Variants in EYS observed in about 807,000 individuals in gnomAD.
The protein encoded by EYS is EGF-like photoreceptor maintenance factor, also known as protein eyes shut homolog.
Under a neutral mutation model 282.1 loss-of-function variants are expected in EYS, and 250 were observed. The observed-to-expected ratio is 0.89, with a 90% confidence interval of 0.80 to 0.98. The LOEUF is 0.98. Among genes scored for constraint, EYS ranks in the 50% least tolerant of loss-of-function variants. The pLI, the probability that EYS is intolerant of heterozygous loss-of-function variation, is 0.00. For synonymous variants in EYS, 1,355 were observed against 1,282.9 expected (o/e 1.06, Z -1.20); for missense variants, 4,016 against 3,709.0 (o/e 1.08, Z -2.15).
chr6:64,184,437 C>T (rs559305862), intron 31 of EYS, among the ~76,000 whole-genome samples: 2 of 152,050 alleles, frequency 1.3e-5, no homozygotes, highest in Non-Finnish European at 2.9e-5. Context: ...TAGCAAAAGG[C>T]TAGCATGTTA....
At chr6:63,741,546 A>C (rs7764184) in intron 41 of EYS, among the ~76,000 whole-genome samples, 2 of 151,992 alleles carry the variant, frequency 1.3e-5, no homozygotes, top group Non-Finnish European at 2.9e-5. Context: ...ATCAAAGATC[A>C]AGAAAAAGAT....
rs1767191138 is a variant in EYS at position 64,250,957 on chromosome 6, AG to A, written c.6192-20134del. Among the ~76,000 whole-genome samples the A allele has an allele frequency of 7.9e-5, 12 of 152,310 alleles. No homozygotes were observed. In the South Asian group the frequency reaches 2.5e-3, roughly 32 times the overall value. ...TTCTACAAATACACTAGATAATATGAGGAAACACGTAAGTAGATCAAAAGGC... is the reference window on the plus strand; with the variant it reads ...TTCTACAAATACACTAGATAATATGAGAAACACGTAAGTAGATCAAAAGGC... On this transcript the variant is annotated intron_variant, in intron 30 of 42. Coordinates refer to ENST00000503581, the MANE Select transcript of EYS (RefSeq NM_001142800.2).
rs1562180005 is a variant in EYS, at chr6:64,766,652, ATATATATAT to A, written c.3443+46717_3443+46725del. On this transcript the variant is annotated intron_variant, in intron 22 of 42. Coordinates refer to ENST00000503581, the MANE Select transcript of EYS (RefSeq NM_001142800.2). ...GTCTCAAAAAAAAAAAAAAAAAAAT[ATATATATAT>A]ATATATATATATATATATATATAAA... 2.6e-3 allele frequency among the ~76,000 whole-genome samples: 128 copies of A among 48,546 alleles called. 2 individuals carry two copies. The highest frequency in any genetic ancestry group is 0.011 in the African/African-American group (121 of 11,428). 31.8% of individuals were successfully genotyped at this position (48,546 alleles called of 152,430 possible). A position where few individuals can be genotyped will look rare whatever the true frequency, so the allele number is the denominator to read the frequency against.
intron 30 of EYS, among the ~76,000 whole-genome samples, chr6:64,305,375 AAAAT>A (rs1769401451): frequency 6.6e-6 from 1 of 151,554 alleles, no homozygotes. Flanking sequence ...CAGAAATAAA[AAAAT>A]AATCCACTTA....
At chr6:64,714,002 T>A (rs2149936713) in intron 22 of EYS, among the ~76,000 whole-genome samples, 1 of 152,354 alleles carries the variant, frequency 6.6e-6, no homozygotes, top group East Asian at 1.9e-4. Flanking sequence ...TTCAGAGAAC[T>A]AATTGTGTTC....
intron 13 of EYS, among the ~76,000 whole-genome samples, chr6:65,041,661 C>T (rs192679991): frequency 1.5e-4 from 22 of 151,704 alleles, no homozygotes; most frequent in Non-Finnish European, 3.0e-4. Context: ...TCTCTTATTT[C>T]CTGTTTTATC....
In EYS at chr6:63,969,017, G is replaced by A. The variant is rs117756884; in HGVS notation, c.7055+15366C>T. On this transcript the variant is annotated intron_variant, in intron 35 of 42. Transcript: ENST00000503581. ...TCAAAATTGAGCTTGTGGTGATGAT[G>A]CACAATAATATATTCCACTTACAAA... Among the ~76,000 whole-genome samples, 258 of 152,264 alleles carry A rather than the reference G, an allele frequency of 1.7e-3. 3 individuals carry two copies. In the East Asian group the frequency reaches 0.042, roughly 25 times the overall value.
At chr6:65,105,270 T>G (rs1376973534) in intron 12 of EYS, among the ~76,000 whole-genome samples, 2 of 151,346 alleles carry the variant, frequency 1.3e-5, no homozygotes, top group Admixed American at 6.6e-5. Flanking sequence ...CTGAAACAAT[T>G]TCTTCAGTCT....
At chr6:64,736,869 A>G (rs562577332) in intron 22 of EYS, among the ~76,000 whole-genome samples, 2 of 152,234 alleles carry the variant, frequency 1.3e-5, no homozygotes, top group Non-Finnish European at 2.9e-5. Context: ...TAAAATAAAA[A>G]TTCACAATAA....
intron 2 of EYS, among the ~76,000 whole-genome samples, chr6:65,515,464 T>C (rs553168198): frequency 2.6e-5 from 4 of 151,384 alleles, no homozygotes; most frequent in East Asian, 3.9e-4. Context: ...GGACTATAAA[T>C]CATGCTGCTA....
intron 1 of EYS, among the ~76,000 whole-genome samples, chr6:65,640,412 T>TA (rs35404306): frequency 5.0e-4 from 58 of 116,398 alleles, no homozygotes; most frequent in African/African-American, 1.4e-3. Context: ...ATTCTTTCAT[T>TA]AAAAAGAGTT....
intron 12 of EYS, among the ~76,000 whole-genome samples, chr6:65,261,487 G>A (rs1767618971): frequency 6.6e-6 from 1 of 151,956 alleles, no homozygotes; most frequent in Non-Finnish European, 1.5e-5. Context: ...AGACTGACAT[G>A]TTCCAAGCAA....
chr6:64,871,389 C>A (rs1338706309), intron 19 of EYS, among the ~76,000 whole-genome samples: 2 of 151,400 alleles, frequency 1.3e-5, no homozygotes, highest in South Asian at 2.1e-4. Context: ...ACTTAATATC[C>A]CTTTTGAAAA....
chr6:64,752,816 T>A (rs12333049), intron 22 of EYS, among the ~76,000 whole-genome samples: 1 of 152,088 alleles, frequency 6.6e-6, no homozygotes, highest in African/African-American at 2.4e-5. Flanking sequence ...TCTCAATTGA[T>A]ACCTCAGAAT....
intron 30 of EYS, among the ~76,000 whole-genome samples, chr6:64,280,772 G>A (rs185411812): frequency 6.6e-6 from 1 of 152,230 alleles, no homozygotes; most frequent in African/African-American, 2.4e-5. Flanking sequence ...GCTCCAGGGG[G>A]CACTGCTGTA....
intron 2 of EYS, among the ~76,000 whole-genome samples, chr6:65,512,654 T>A (rs1381026215): frequency 6.6e-6 from 1 of 151,884 alleles, no homozygotes; most frequent in Admixed American, 6.6e-5. Context: ...ACTGCTCAAC[T>A]ACATGGAAAC....
chr6:63,737,480 T>A (rs1192987505), intron 41 of EYS, among the ~76,000 whole-genome samples: 2 of 152,184 alleles, frequency 1.3e-5, no homozygotes, highest in African/African-American at 4.8e-5. Context: ...TGCTGTTGGA[T>A]TTGGTTTTCC....
chr6:64,658,811 C>T (rs140158427), intron 22 of EYS, among the ~76,000 whole-genome samples: 454 of 152,246 alleles, frequency 3.0e-3, no homozygotes, highest in Non-Finnish European at 3.6e-3. Context: ...ACCCCACTGT[C>T]AATATTAGAC....
chr6:64,050,217 C>G (rs2149843567), intron 33 of EYS, among the ~76,000 whole-genome samples: 1 of 152,272 alleles, frequency 6.6e-6, no homozygotes, highest in South Asian at 2.1e-4. Context: ...ATCCAAGTAT[C>G]TCTGATCATC....
Sources: gnomAD v4.1 joint callset for allele counts (sites outside exome capture counted in the v4.1 genomes callset) on GRCh38, gnomAD v4.1.1 for gene constraint, MANE v1.5 for transcripts, NCBI Gene and HGNC (gene_info 2026-07-23, HGNC 2026-07-21) for gene names.